HIPK2: variants seen among roughly 807,000 people sequenced by gnomAD.
HIPK2 encodes homeodomain interacting protein kinase 2.
In HIPK2, 27 loss-of-function variants were observed where a neutral mutation model predicts 113.7. The ratio of observed to expected loss-of-function variants is 0.24; its 90% CI spans 0.17 to 0.33. The LOEUF is 0.33. Ranked by LOEUF, HIPK2 falls within the 10% of genes least tolerant of loss-of-function variation. The pLI is 1.00. For missense variants in HIPK2, 1,257 were observed against 1,588.0 expected (o/e 0.79, Z 3.54); for synonymous variants, 631 against 642.2 (o/e 0.98, Z 0.26).
At chr7:139,591,574 AC>A (rs1239911304) in intron 12 of HIPK2, among the ~76,000 whole-genome samples, 3 of 152,172 alleles carry the variant, frequency 2.0e-5, no homozygotes, top group African/African-American at 7.2e-5. Context: ...GCAGCTGGGG[AC>A]AGTAGGGTGA....
At chr7:139,753,860 C>T (rs1256804792) in intron 1 of HIPK2, among the ~76,000 whole-genome samples, 9 of 152,188 alleles carry the variant, frequency 5.9e-5, no homozygotes, top group Non-Finnish European at 1.2e-4. Context: ...ATGGGGAAGG[C>T]GCCAGTGGAG....
intron 5 of HIPK2, among the ~76,000 whole-genome samples, chr7:139,627,779 A>C (rs1448773303): frequency 6.6e-6 from 1 of 152,194 alleles, no homozygotes; most frequent in Non-Finnish European, 1.5e-5. Context: ...CTGGTTTCAG[A>C]CTAATTTTCA....
At chr7:139,626,940 ATGT>A in intron 5 of HIPK2, 155 bp from the exon 6 acceptor site, 1 of 259,728 alleles carries the variant, frequency 3.9e-6, no homozygotes, top group Non-Finnish European at 6.0e-6. Flanking sequence ...CACCACCCAC[ATGT>A]TGTCATTGCC....
intron 1 of HIPK2, among the ~76,000 whole-genome samples, chr7:139,752,806 G>C (rs946468224): frequency 4.0e-5 from 6 of 151,808 alleles, no homozygotes; most frequent in African/African-American, 1.5e-4. Context: ...GCTGAAGCAT[G>C]AGGGATTTTC....
At position 139,630,832 on chromosome 7, in the gene HIPK2, G is replaced by A. The variant is rs1323630566; in HGVS notation, c.1347+333C>T. Among the ~76,000 whole-genome samples the A allele has an allele frequency of 2.0e-5, 3 of 152,262 alleles. No individual in the cohort carries two copies. The highest frequency in any genetic ancestry group is 2.9e-5 in the Non-Finnish European group (2 of 68,048). On this transcript the variant is annotated intron_variant, in intron 4 of 14. Transcript: ENST00000406875. This position sits in a 1 kb window ranked among gnomAD's most constrained non-coding sequence, Gnocchi z 4.0. Reference sequence around the variant, plus strand: ...CCCTTACTACAGTGGGCGGGAGCTTGTGGCACATGGTCCTGTCTCCCTCTG... The same window carrying A: ...CCCTTACTACAGTGGGCGGGAGCTTATGGCACATGGTCCTGTCTCCCTCTG...
intron 2 of HIPK2, among the ~76,000 whole-genome samples, chr7:139,695,911 G>A (rs2116816636): frequency 6.6e-6 from 1 of 151,848 alleles, no homozygotes; most frequent in East Asian, 1.9e-4. Flanking sequence ...ATTCATCATA[G>A]CACACTGTCT....
intron 2 of HIPK2, among the ~76,000 whole-genome samples, chr7:139,661,508 C>T (rs142575644): frequency 3.9e-5 from 6 of 152,300 alleles, no homozygotes; most frequent in African/African-American, 1.4e-4. Context: ...CATGCTGAAA[C>T]ATATCCCCAG....
intron 9 of HIPK2, among the ~76,000 whole-genome samples, chr7:139,612,002 G>A (rs936913250): frequency 6.6e-6 from 1 of 152,024 alleles, no homozygotes; most frequent in African/African-American, 2.4e-5. Context: ...TTATGAAAGA[G>A]TGATGTTAAA....
At position 139,564,525 on chromosome 7, in the gene HIPK2, G is replaced by A. The variant is rs1263605141; in HGVS notation, c.*8402C>T. ...CGACACGCATGAGACCTTCGCATCTGGCCCGGGCTGCGGACTCACACCTTT... is the reference window on the plus strand; with the variant it reads ...CGACACGCATGAGACCTTCGCATCTAGCCCGGGCTGCGGACTCACACCTTT... On this transcript the variant is annotated 3_prime_UTR_variant, in exon 15 of 15. Transcript: ENST00000406875. 2 of 152,214 alleles carry A rather than the reference G, an allele frequency of 1.3e-5. No individual in the cohort carries two copies. The highest frequency in any genetic ancestry group is 2.9e-5 in the Non-Finnish European group (2 of 68,052). 9.4% of individuals were successfully genotyped at this position (152,214 alleles called of 1,614,324 possible).
At chr7:139,652,652 C>T (rs1057283619) in intron 2 of HIPK2, among the ~76,000 whole-genome samples, 6 of 152,204 alleles carry the variant, frequency 3.9e-5, no homozygotes, top group Non-Finnish European at 8.8e-5. Flanking sequence ...AAAAGACAGT[C>T]TCTGTTCTCA....
intron 7 of HIPK2, among the ~76,000 whole-genome samples, chr7:139,617,056 G>A (rs10271123): frequency 1.1e-4 from 17 of 151,936 alleles, no homozygotes; most frequent in East Asian, 1.9e-4. Context: ...CCCTAGTTTC[G>A]AACCCTGCTT....
chr7:139,615,405 A>G (rs1030159359), intron 7 of HIPK2, among the ~76,000 whole-genome samples: 5 of 152,208 alleles, frequency 3.3e-5, no homozygotes, highest in African/African-American at 1.2e-4. Context: ...ACTGAAATGG[A>G]GGTGGCTTTG....
chr7:139,595,629 G>A (rs1266358090), intron 12 of HIPK2, among the ~76,000 whole-genome samples: 3 of 152,122 alleles, frequency 2.0e-5, no homozygotes, highest in Non-Finnish European at 4.4e-5. Context: ...AATGAGACAT[G>A]TACTAACCCC....
chr7:139,633,480 A>C (rs1800693216), intron 2 of HIPK2, among the ~76,000 whole-genome samples: 1 of 152,114 alleles, frequency 6.6e-6, no homozygotes, highest in Non-Finnish European at 1.5e-5. Flanking sequence ...AACAAAACCC[A>C]AAAATGTCTT....
At position 139,716,445 on chromosome 7, in the gene HIPK2, T is replaced by C. The variant is rs1795242177; in HGVS notation, c.590A>G (p.Asn197Ser). 1.2e-6 allele frequency: 2 copies of C among 1,613,956 alleles called. No individual in the cohort carries two copies. The highest frequency in any genetic ancestry group is 1.7e-6 in the Non-Finnish European group (2 of 1,179,874). Reference protein sequence around the residue: ...VQHEVLCSMTNTYEVLEFLGR... With the variant: ...VQHEVLCSMTSTYEVLEFLGR... ...CAAGAACTCTAAGACCTCGTAGGTG[T>C]TGGTCATGGAGCACAGCACCTCATG... Residue 197 changes from asparagine to serine, a missense_variant, in exon 2 of 15, where the codon AAC (asparagine) becomes AGC (serine). Physicochemically the swap from Asn to Ser is conservative, Grantham distance 46. Transcript: ENST00000406875. The surrounding 1 kb of genome is among the most constrained non-coding windows in gnomAD (Gnocchi z 9.3).
At chr7:139,755,768 T>A (rs1481271819) in intron 1 of HIPK2, among the ~76,000 whole-genome samples, 1 of 152,228 alleles carries the variant, frequency 6.6e-6, no homozygotes, top group African/African-American at 2.4e-5. Context: ...GATGTCCACA[T>A]GTGGAGGGCT....
intron 1 of HIPK2, among the ~76,000 whole-genome samples, chr7:139,755,760 T>C (rs1796351980): frequency 6.6e-6 from 1 of 152,250 alleles, no homozygotes; most frequent in Admixed American, 6.5e-5. Flanking sequence ...GCCCCATGGA[T>C]GTCCACATGT....
chr7:139,691,823 C>T (rs1281084677), intron 2 of HIPK2, among the ~76,000 whole-genome samples: 1 of 152,204 alleles, frequency 6.6e-6, no homozygotes, highest in African/African-American at 2.4e-5. Flanking sequence ...AAACTGTATA[C>T]ATCATGGTGC....
chr7:139,776,405 ATTTTC>A lies in HIPK2; in HGVS notation c.19+1195_19+1199del, dbSNP rs371596178. Reference sequence around the variant, plus strand: ...TTTGGAGCCCTGAAACTAATAACAGATTTTCTTTTAAGTTTTTTTTTTTTTAATCA... The same window carrying A: ...TTTGGAGCCCTGAAACTAATAACAGATTTTAAGTTTTTTTTTTTTTAATCA... On this transcript the variant is annotated intron_variant, in intron 1 of 14. Transcript: ENST00000406875. Among the ~76,000 whole-genome samples, 788 of 149,002 alleles carry A rather than the reference ATTTTC, an allele frequency of 5.3e-3. 2 individuals carry two copies. The highest frequency in any genetic ancestry group is 7.4e-3 in the Non-Finnish European group (501 of 67,916).
Sources: allele counts gnomAD v4.1 joint callset (sites outside exome capture counted in the v4.1 genomes callset), GRCh38; gene constraint gnomAD v4.1.1; non-coding constraint Gnocchi (gnomAD v3.1); transcripts MANE v1.5; gene names NCBI Gene and HGNC (gene_info 2026-07-23, HGNC 2026-07-21).